Variants in RIF1 observed in about 807,000 individuals in gnomAD.
The protein encoded by RIF1 is telomere-associated protein RIF1.
In RIF1, 45 loss-of-function variants were observed where a neutral mutation model predicts 247.1. The observed-to-expected ratio is 0.18, with a 90% CI of 0.14 to 0.23. The LOEUF is 0.23. Ranked by LOEUF, RIF1 falls within the 10% of genes least tolerant of loss-of-function variation. The pLI is 1.00. For synonymous variants in RIF1, 1,087 were observed against 978.8 expected (o/e 1.11, Z -2.06); for missense variants, 2,967 against 2,862.5 (o/e 1.04, Z -0.83).
At chr2:151,484,468 C>T (rs1205250562), downstream of RIF1, among the ~76,000 whole-genome samples, 3 of 152,132 alleles carry the variant, frequency 2.0e-5, no homozygotes, top group Middle Eastern at 3.2e-3. Context: ...TGGTGGCGCA[C>T]GCCTGTAGTC....
the RIF1 span, among the ~76,000 whole-genome samples, chr2:151,527,225 A>G: frequency 6.6e-6 from 1 of 151,058 alleles, no homozygotes; most frequent in African/African-American, 2.4e-5. Flanking sequence ...CTCCATCCCC[A>G]GTCTTCCCCC....
intron 9 of RIF1, among the ~76,000 whole-genome samples, chr2:151,430,776 C>T (rs1402183622): frequency 6.6e-5 from 10 of 152,080 alleles, no homozygotes; most frequent in African/African-American, 2.2e-4. Flanking sequence ...CCTCAGCCCC[C>T]CCAAGTAGCT....
chr2:151,439,561 C>G (rs62169382), intron 14 of RIF1, among the ~76,000 whole-genome samples: 34,200 of 150,852 alleles, frequency 0.23, 4,622 homozygotes, highest in Admixed American at 0.36. Context: ...CCCAGCTACT[C>G]AGGAGGCTGA....
chr2:151,441,866 T>A (rs780963414), intron 15 of RIF1, 39 bp from the exon 16 acceptor site: 126 of 933,070 alleles, frequency 1.4e-4, no homozygotes, highest in Non-Finnish European at 2.1e-4. Context: ...GATAATATTT[T>A]TACGGCTAAT....
In RIF1 at chr2:151,464,983, C is replaced by T. The variant is rs1201171385; in HGVS notation, c.5463C>T (p.Asn1821=). 3 of 1,576,160 alleles carry T rather than the reference C, an allele frequency of 1.9e-6. No homozygotes were observed. The African/African-American group carries it at 4.1e-5, about 22-fold the overall frequency. The part of the protein sequence containing the change: ...LIVSETKSKE[N]TMQESLPSGI... ...TTTCTGAAACCAAATCAAAAGAAAA[C>T]ACTATGCAAGAATCTCTTCCTTCTG... is the stretch of plus-strand genomic sequence containing the variant. Residue 1821 remains asparagine, a synonymous_variant, in exon 30 of 36, where the codon AAC becomes AAT. Transcript: ENST00000444746.
chr2:151,429,158 A>G (rs1689609117), intron 9 of RIF1, among the ~76,000 whole-genome samples: 1 of 152,202 alleles, frequency 6.6e-6, no homozygotes, highest in Non-Finnish European at 1.5e-5. Flanking sequence ...CAAAGTGAAA[A>G]ATAATGATTT....
intron 9 of RIF1, among the ~76,000 whole-genome samples, chr2:151,431,147 CTGA>C (rs1323534888): frequency 2.0e-5 from 3 of 152,180 alleles, no homozygotes; most frequent in African/African-American, 7.2e-5. Flanking sequence ...GAATCCATGA[CTGA>C]TGCTGTGGAT....
In RIF1 at chr2:151,464,136, G is replaced by A. The variant is rs778230526; in HGVS notation, c.4616G>A (p.Arg1539Lys). 6.2e-7 allele frequency: 1 copy of A among 1,611,228 alleles called. No homozygotes were observed. Among genetic ancestry groups the A allele is most frequent in the Admixed American group, 1.7e-5 (1 of 59,362 alleles). ...LVRGRTRYQTRRASQGLLSSI... is the reference protein window; with the variant it reads ...LVRGRTRYQTKRASQGLLSSI... Reference sequence around the variant, plus strand: ...AGAGGCCGAACACGGTATCAAACTAGAAGAGCATCTCAGGGTTTGCTTTCC... The same window carrying A: ...AGAGGCCGAACACGGTATCAAACTAAAAGAGCATCTCAGGGTTTGCTTTCC... Residue 1539 changes from arginine (R) to lysine (K), a missense_variant, in exon 30 of 36, where the codon AGA (arginine) becomes AAA (lysine). Coordinates refer to ENST00000444746, the MANE Select transcript of RIF1 (RefSeq NM_018151.5).
intron 25 of RIF1, among the ~76,000 whole-genome samples, chr2:151,459,469 G>GA (rs749503741): frequency 6.6e-6 from 1 of 152,070 alleles, no homozygotes; most frequent in Non-Finnish European, 1.5e-5. Flanking sequence ...ATCTTTGGGA[G>GA]AAAAAAGACT....
chr2:151,501,539 A>T, intron 11 of RIF1: 3 of 1,018,878 alleles, frequency 2.9e-6, no homozygotes, highest in Non-Finnish European at 4.0e-6. Flanking sequence ...TTTTAGGTAG[A>T]CTTAACCTAA....
intron 9 of RIF1, chr2:151,492,571 G>T: frequency 9.1e-7 from 1 of 1,103,270 alleles, no homozygotes; most frequent in Non-Finnish European, 1.3e-6. Context: ...AGATAGAGAT[G>T]GATAGGAGCT....
intron 21 of RIF1, among the ~76,000 whole-genome samples, chr2:151,454,633 A>G (rs913893707): frequency 6.6e-6 from 1 of 152,162 alleles, no homozygotes; most frequent in Admixed American, 6.6e-5. Flanking sequence ...CCTAAGAAAA[A>G]ATGAACTTGT....
chr2:151,462,629 A>G (rs933867352), intron 29 of RIF1, among the ~76,000 whole-genome samples, 163 bp downstream of exon 29: 2 of 147,232 alleles, frequency 1.4e-5, no homozygotes, highest in African/African-American at 4.9e-5. Flanking sequence ...TACTAGCAGA[A>G]TATCAGCAGA....
At chr2:151,525,423 C>G in the RIF1 span, 1 of 631,538 alleles carries the variant, frequency 1.6e-6, no homozygotes, top group Non-Finnish European at 2.8e-6. Context: ...TAGTTCTTCT[C>G]TGTCATTTGT....
At chr2:151,512,053 CAG>C (rs1263469145), downstream of RIF1, among the ~76,000 whole-genome samples, 1 of 99,324 alleles carries the variant, frequency 1.0e-5, no homozygotes, top group African/African-American at 4.1e-5. Context: ...TTTTTTGAGA[CAG>C]AGTCTTGCTG....
the RIF1 span, chr2:151,526,113 G>A: frequency 1.3e-4 from 203 of 1,610,896 alleles, no homozygotes; most frequent in Middle Eastern, 1.7e-4. Context: ...TGCCTGGGGC[G>A]TTCTCCCAAG....
the RIF1 span, chr2:151,533,509 T>C: frequency 6.4e-7 from 1 of 1,551,518 alleles, no homozygotes; most frequent in South Asian, 1.2e-5. Flanking sequence ...ATTACATCCA[T>C]GTTGCAGAAA....
chr2:151,447,296 G>A (rs1045836530), intron 20 of RIF1, among the ~76,000 whole-genome samples: 7 of 152,152 alleles, frequency 4.6e-5, no homozygotes, highest in South Asian at 2.1e-4. Context: ...ATTGATATGC[G>A]TCATTCCAGA....
intron 15 of RIF1, among the ~76,000 whole-genome samples, chr2:151,441,559 G>A: frequency 6.6e-6 from 1 of 152,166 alleles, no homozygotes; most frequent in African/African-American, 2.4e-5. Flanking sequence ...ATGGTTTAAA[G>A]GAATGTGTGT....
Sources: gnomAD v4.1 joint callset for allele counts (sites outside exome capture counted in the v4.1 genomes callset) on GRCh38, gnomAD v4.1.1 for gene constraint, MANE v1.5 for transcripts, NCBI Gene and HGNC (gene_info 2026-07-23, HGNC 2026-07-21) for gene names.